RBM25: variants seen among roughly 807,000 people sequenced by gnomAD.
RBM25 encodes the protein RNA-binding protein 25.
In RBM25, 19 loss-of-function variants were observed where a neutral mutation model predicts 120.7. The observed-to-expected ratio is 0.16, with a 90% confidence interval of 0.11 to 0.23. RBM25 has a LOEUF of 0.23. RBM25 is among the 10% of genes least tolerant of loss of function. The probability of loss-of-function intolerance (pLI) is 1.00; values close to 1 mark genes in which losing one functional copy is unlikely to be tolerated. For missense variants in RBM25, 605 were observed against 1,041.5 expected (o/e 0.58, Z 5.77); for synonymous variants, 390 against 326.7 (o/e 1.19, Z -2.09).
chr14:73,112,785 GTTTTGTTTTTTGTTTTTTGT>G (rs1896339659), intron 17 of RBM25, among the ~76,000 whole-genome samples: 1 of 151,406 alleles, frequency 6.6e-6, no homozygotes, highest in Admixed American at 6.6e-5. Flanking sequence ...GTTTTGTTTT[GTTTTGTTTTTTGTTTTTTGT>G]TTTTGTTTTT....
intron 16 of RBM25, 70 bp downstream of exon 16, chr14:73,111,872 G>GAA: frequency 1.4e-6 from 2 of 1,450,934 alleles, no homozygotes; most frequent in Non-Finnish European, 9.2e-7. Context: ...TTCATTTGAA[G>GAA]AAAAAAAAAC....
At chr14:73,073,018 C>T (rs1895330996) in intron 2 of RBM25, among the ~76,000 whole-genome samples, 1 of 152,132 alleles carries the variant, frequency 6.6e-6, no homozygotes, top group Admixed American at 6.6e-5. Flanking sequence ...CCTTGACCTC[C>T]TGGACTCCCA....
intron 6 of RBM25, among the ~76,000 whole-genome samples, chr14:73,094,444 A>G (rs2140447112): frequency 6.6e-6 from 1 of 151,688 alleles, no homozygotes; most frequent in East Asian, 2.0e-4. Flanking sequence ...TTTAGGGTCT[A>G]TAAGGATTTT....
chr14:73,079,305 C>T (rs1159788876), intron 4 of RBM25, among the ~76,000 whole-genome samples: 2 of 150,488 alleles, frequency 1.3e-5, no homozygotes, highest in East Asian at 3.9e-4. Flanking sequence ...TGCCTGCAAT[C>T]CCAACTACGC....
rs2140454937 is a variant in RBM25 at position 73,103,377 on chromosome 14, T to C, written c.1053T>C (p.Arg351=). The C allele has an allele frequency of 6.2e-7, 1 of 1,610,996 alleles. No homozygotes were observed. Among genetic ancestry groups the C allele is most frequent in the East Asian group, 2.2e-5 (1 of 44,850 alleles). The part of the protein sequence containing the change: ...RERERERDRD[R]DRTKERDRDR... ...GGGAACGAGAACGGGATAGGGACCGTGACCGGACAAAAGAGAGAGACCGAG... is the reference window on the plus strand; with the variant it reads ...GGGAACGAGAACGGGATAGGGACCGCGACCGGACAAAAGAGAGAGACCGAG... Residue 351 remains arginine, a synonymous_variant, in exon 10 of 19, where the codon CGT becomes CGC. Transcript: ENST00000261973.
At chr14:73,089,575 G>A (rs1377084960) in intron 6 of RBM25, among the ~76,000 whole-genome samples, 1 of 152,058 alleles carries the variant, frequency 6.6e-6, no homozygotes, top group African/African-American at 2.4e-5. Flanking sequence ...GGCTGGTCTC[G>A]AACTCCTGAC....
chr14:73,099,838 G>T, intron 9 of RBM25, 88 bp downstream of exon 9: 1 of 1,438,442 alleles, frequency 7.0e-7, no homozygotes, highest in South Asian at 1.6e-5. Flanking sequence ...CCTTAAATTA[G>T]AATATAATTT....
intron 4 of RBM25, among the ~76,000 whole-genome samples, chr14:73,079,817 A>G (rs1293062239): frequency 6.7e-6 from 1 of 150,308 alleles, no homozygotes. Context: ...TATTACTTCC[A>G]TGGGATTTTT....
chr14:73,097,196 C>CA, intron 7 of RBM25, 96 bp downstream of exon 7: 1 of 137,532 alleles, frequency 7.3e-6, no homozygotes, highest in Non-Finnish European at 1.1e-5. Context: ...TTTTTCTTTT[C>CA]TTTTTTTTTT....
In RBM25 at chr14:73,058,677, C is replaced by G. The variant is rs974583692; in HGVS notation, c.-44C>G. ...TCGTAACCTGGATCCCAGAAGGTCGCGAAGGCAGTACCGTTTCCTCAGCGG... is the reference window on the plus strand; with the variant it reads ...TCGTAACCTGGATCCCAGAAGGTCGGGAAGGCAGTACCGTTTCCTCAGCGG... On this transcript the variant is annotated 5_prime_UTR_variant, in exon 1 of 19. Transcript: ENST00000261973. The G allele has an allele frequency of 6.6e-6, 1 of 152,150 alleles. No individual in the cohort carries two copies. Among genetic ancestry groups the G allele is most frequent in the Non-Finnish European group, 1.5e-5 (1 of 68,086 alleles). The allele number at this position is 152,150 out of a possible 1,614,324, so 9.4% of individuals were successfully genotyped here. A position where few individuals can be genotyped will look rare whatever the true frequency, so the allele number is the denominator to read the frequency against.
chr14:73,120,349 G>A lies in RBM25; in HGVS notation c.*544G>A, dbSNP rs1238284445. On this transcript the variant is annotated 3_prime_UTR_variant, in exon 19 of 19. Transcript: ENST00000261973. ...TATGAATGTGTTTGTGAATGTATGT[G>A]TAAAAGTCTTTCTTTTCCCTAATTT... is the stretch of plus-strand genomic sequence containing the variant. 1 of 152,630 alleles carries A rather than the reference G, an allele frequency of 6.6e-6. No individual in the cohort carries two copies. The highest frequency in any genetic ancestry group is 2.4e-5 in the African/African-American group (1 of 41,378). 9.5% of individuals were successfully genotyped at this position (152,630 alleles called of 1,614,324 possible).
chr14:73,090,315 T>C (rs1594915741), intron 6 of RBM25, among the ~76,000 whole-genome samples: 1 of 152,110 alleles, frequency 6.6e-6, no homozygotes, highest in East Asian at 1.9e-4. Context: ...CCTCTCAAAG[T>C]GCTGGGATTA....
chr14:73,092,518 G>A (rs1274797692), intron 6 of RBM25, among the ~76,000 whole-genome samples: 2 of 150,332 alleles, frequency 1.3e-5, no homozygotes, highest in Non-Finnish European at 3.0e-5. Context: ...GGAAACATGA[G>A]TTTGTCTAGG....
Position 73,099,421 on chromosome 14 carries a change from A to G in RBM25, c.771A>G (p.Pro257=). The part of the protein sequence containing the change: ...RFPVAPLIPY[P]LITKEDINAI... ...CAGTGGCCCCACTGATCCCTTATCCACTCATCACTAAGGTTAGTTTAAATT... is the reference window on the plus strand; with the variant it reads ...CAGTGGCCCCACTGATCCCTTATCCGCTCATCACTAAGGTTAGTTTAAATT... The change falls in exon 8 of 19, where the codon CCA becomes CCG. Residue 257 remains proline (P), a synonymous_variant. Coordinates refer to ENST00000261973, the MANE Select transcript of RBM25 (RefSeq NM_021239.3). The G allele has an allele frequency of 6.2e-7, 1 of 1,608,262 alleles. No homozygotes were observed. The highest frequency in any genetic ancestry group is 8.5e-7 in the Non-Finnish European group (1 of 1,178,708).
At chr14:73,071,353 TAACTG>T (rs1461098625) in intron 1 of RBM25, among the ~76,000 whole-genome samples, 3 of 152,266 alleles carry the variant, frequency 2.0e-5, no homozygotes, top group African/African-American at 7.2e-5. Flanking sequence ...TTTTGGATAT[TAACTG>T]AACCTCAAAA....
chr14:73,060,147 G>A (rs879524952), intron 1 of RBM25, among the ~76,000 whole-genome samples: 2 of 148,956 alleles, frequency 1.3e-5, no homozygotes, highest in African/African-American at 2.4e-5. Flanking sequence ...CAAGCGATTC[G>A]CCTGCCTCAG....
chr14:73,104,031 GTAA>G (rs927396358), intron 10 of RBM25, among the ~76,000 whole-genome samples: 1 of 140,520 alleles, frequency 7.1e-6, no homozygotes, highest in East Asian at 2.2e-4. Context: ...ATGGGTAAAA[GTAA>G]TAATTTTCAA....
intron 17 of RBM25, among the ~76,000 whole-genome samples, 159 bp downstream of exon 17, chr14:73,112,409 G>T (rs917141992): frequency 3.1e-5 from 2 of 63,548 alleles, no homozygotes; most frequent in Non-Finnish European, 5.2e-5. Context: ...TTTATTTTTG[G>T]TGTGTTTTTT....
In RBM25 at chr14:73,109,446, G is replaced by A. The variant is rs761284168; in HGVS notation, c.1646G>A (p.Arg549His). The A allele has an allele frequency of 3.7e-6, 6 of 1,614,028 alleles. No homozygotes were observed. The highest frequency in any genetic ancestry group is 2.7e-5 in the African/African-American group (2 of 74,934). Residue 549 changes from arginine (R) to histidine (H), a missense_variant, in exon 14 of 19, where the codon CGC becomes CAC. Physicochemically the swap from Arg to His is conservative, Grantham distance 29. Around this residue, in one of 4 missense-constraint regions of RBM25, gnomAD observed 465 missense variants for 741.6 expected, o/e 0.63. Coordinates refer to ENST00000261973, the MANE Select transcript of RBM25 (RefSeq NM_021239.3). ...GAGGAGCTTGAGGAAATCAGGCAGC[G>A]CCTTCTGGCAGAAGGGCATCCAGAT... ...EKEELEEIRQ[R>H]LLAEGHPDPD...
Sources: allele counts gnomAD v4.1 joint callset (sites outside exome capture counted in the v4.1 genomes callset), GRCh38; gene constraint gnomAD v4.1.1; regional missense constraint gnomAD v4.1.1; transcripts MANE v1.5; gene names NCBI Gene and HGNC (gene_info 2026-07-23, HGNC 2026-07-21).